BAZ1A: variants seen among roughly 807,000 people sequenced by gnomAD.
The protein encoded by BAZ1A is bromodomain adjacent to zinc finger domain protein 1A.
In BAZ1A, 50 loss-of-function variants were observed where a neutral mutation model predicts 185.2. The observed-to-expected ratio is 0.27, with a 90% CI of 0.22 to 0.34. The LOEUF is 0.34. Ranked by LOEUF, BAZ1A falls within the 10% of genes least tolerant of loss-of-function variation. The pLI is 1.00. For synonymous variants in BAZ1A, 571 were observed against 615.6 expected, an observed-to-expected ratio of 0.93 and a Z score of 1.07; for missense variants, 1,356 against 1,839.9, an observed-to-expected ratio of 0.74 and a Z score of 4.81.
chr14:34,800,086 T>C, intron 9 of BAZ1A, 138 bp downstream of exon 9: 2 of 904,904 alleles, frequency 2.2e-6, no homozygotes, highest in East Asian at 6.2e-5. Flanking sequence ...AAAAGGGAGA[T>C]AAACCAATCA....
In BAZ1A at chr14:34,802,911, G is replaced by A; in HGVS notation, c.804C>T (p.Ile268=). The change falls in exon 7 of 27, where the codon ATC becomes ATT. Residue 268 remains isoleucine, a synonymous_variant. Transcript: ENST00000360310. Reference sequence around the variant, plus strand: ...CTCTTCGTCTGTTAGCAGGACTGAAGATAAATGTGGGTGGATCATCAGGGA... The same window carrying A: ...CTCTTCGTCTGTTAGCAGGACTGAAAATAAATGTGGGTGGATCATCAGGGA... ...YFFPDDPPTF[I]FSPANRRRGR... is the part of the protein sequence containing the mutation. 1.9e-6 allele frequency: 3 copies of A among 1,613,222 alleles called. No individual in the cohort carries two copies. Among genetic ancestry groups the A allele is most frequent in the Non-Finnish European group, 2.5e-6 (3 of 1,179,174 alleles).
At chr14:34,814,466 G>A (rs1265011224) in intron 4 of BAZ1A, among the ~76,000 whole-genome samples, 1 of 151,736 alleles carries the variant, frequency 6.6e-6, no homozygotes, top group Non-Finnish European at 1.5e-5. Flanking sequence ...TAGAAAACTT[G>A]TATATGGACC....
rs1448239758 is a variant in BAZ1A at position 34,795,812 on chromosome 14, T to G, written c.1129-47A>C. 2.0e-5 allele frequency: 28 copies of G among 1,423,904 alleles called. No homozygotes were observed. In the Admixed American group the frequency reaches 4.9e-4, roughly 25 times the overall value. The allele number at this position is 1,423,904 out of a possible 1,614,324, so 88.2% of individuals were successfully genotyped here. A position where few individuals can be genotyped will look rare whatever the true frequency, so the allele number is the denominator to read the frequency against. On this transcript the variant is annotated intron_variant, in intron 9 of 26. Coordinates refer to ENST00000360310, the MANE Select transcript of BAZ1A (RefSeq NM_013448.3). ...TAACAATTCATGTAAGAAATTTATA[T>G]GGCAGCATCGGCATCTCCTGAGAAC...
rs78393711 is a variant in BAZ1A, at chr14:34,795,574, G to A, written c.1224+96C>T. ...ATTTCCTCTCGGTTAAATATAAAGA[G>A]AAGAGGCTGCTATTAAATAAGAATG... On this transcript the variant is annotated intron_variant, in intron 10 of 26. Transcript: ENST00000360310. 1.7e-3 allele frequency: 1,300 copies of A among 779,690 alleles called. 22 individuals are homozygous for A. The African/African-American group carries it at 0.022, about 13-fold the overall frequency. 48.3% of individuals were successfully genotyped at this position (779,690 alleles called of 1,614,324 possible). A position where few individuals can be genotyped will look rare whatever the true frequency, so the allele number is the denominator to read the frequency against.
Position 34,844,205 on chromosome 14 carries a change from C to CA in BAZ1A, c.392+17838dup, listed in dbSNP as rs71121227. On this transcript the variant is annotated intron_variant, in intron 3 of 26. Coordinates refer to ENST00000360310, the MANE Select transcript of BAZ1A (RefSeq NM_013448.3). ...TGGGCGACAGAGCGAGACTCCGTCT[C>CA]AAAAAAAAAAAAAAAAAAAAAAAAA... Among the ~76,000 whole-genome samples the CA allele has an allele frequency of 7.0e-3, 773 of 109,648 alleles. 62 individuals are homozygous for CA. Among genetic ancestry groups the CA allele is most frequent in the African/African-American group, 0.022 (575 of 26,734 alleles). 71.9% of individuals were successfully genotyped at this position (109,648 alleles called of 152,430 possible).
chr14:34,823,405 A>G (rs1192796471), intron 4 of BAZ1A, among the ~76,000 whole-genome samples: 2 of 151,836 alleles, frequency 1.3e-5, no homozygotes, highest in African/African-American at 4.8e-5. Context: ...CACACCTGTA[A>G]TCCCAGCACT....
intron 3 of BAZ1A, among the ~76,000 whole-genome samples, chr14:34,828,013 G>A (rs116024751): frequency 0.01 from 1,550 of 151,480 alleles, 30 homozygotes; most frequent in African/African-American, 0.033. Context: ...TTCCTTAATC[G>A]GCCGGGTGTG....
At chr14:34,867,046 T>C (rs1272818790) in intron 2 of BAZ1A, among the ~76,000 whole-genome samples, 1 of 150,420 alleles carries the variant, frequency 6.6e-6, no homozygotes, top group East Asian at 1.9e-4. Flanking sequence ...GATCGCGAGG[T>C]CAGGAGATCG....
chr14:34,785,745 A>T, intron 14 of BAZ1A, 32 bp downstream of exon 14: 1 of 1,590,030 alleles, frequency 6.3e-7, no homozygotes, highest in Non-Finnish European at 8.6e-7. Flanking sequence ...GGAAGTGGGC[A>T]GGTTATGCAA....
chr14:34,837,257 C>CT, intron 3 of BAZ1A, among the ~76,000 whole-genome samples: 1 of 150,486 alleles, frequency 6.6e-6, no homozygotes, highest in Non-Finnish European at 1.5e-5. Context: ...CTCTTTTTTT[C>CT]TTTTTTGAGG....
chr14:34,817,007 A>C (rs1407310922), intron 4 of BAZ1A, among the ~76,000 whole-genome samples: 3 of 152,204 alleles, frequency 2.0e-5, no homozygotes. Context: ...AACGGCAAAC[A>C]TTAAGAGTAA....
intron 3 of BAZ1A, among the ~76,000 whole-genome samples, chr14:34,844,781 A>ACG (rs1555344299): frequency 1.2e-4 from 1 of 8,552 alleles, no homozygotes; most frequent in African/African-American, 1.8e-4. Context: ...ACACGCGCAC[A>ACG]CACACACACA....
chr14:34,787,253 T>C (rs1880523667), intron 12 of BAZ1A, among the ~76,000 whole-genome samples: 1 of 146,442 alleles, frequency 6.8e-6, no homozygotes, highest in Non-Finnish European at 1.5e-5. Flanking sequence ...CTCGGGAGGC[T>C]GAGGCAGGAG....
intron 3 of BAZ1A, among the ~76,000 whole-genome samples, chr14:34,860,959 TA>T (rs1162278046): frequency 7.9e-5 from 12 of 152,300 alleles, no homozygotes; most frequent in African/African-American, 2.6e-4. Context: ...TATCTTAATA[TA>T]AACACATTTG....
At chr14:34,802,219 TTTTTG>T (rs574299184) in intron 7 of BAZ1A, among the ~76,000 whole-genome samples, 5 of 152,262 alleles carry the variant, frequency 3.3e-5, no homozygotes, top group South Asian at 4.2e-4. Context: ...TTTGTGTAGT[TTTTTG>T]TTTTGTTTTG....
intron 25 of BAZ1A, among the ~76,000 whole-genome samples, chr14:34,756,192 C>G (rs1304463725): frequency 6.7e-6 from 1 of 150,326 alleles, no homozygotes; most frequent in African/African-American, 2.5e-5. Context: ...CGGCTCACTG[C>G]AAGCTCTGCC....
At chr14:34,866,315 C>T (rs2042858487) in intron 2 of BAZ1A, among the ~76,000 whole-genome samples, 1 of 151,538 alleles carries the variant, frequency 6.6e-6, no homozygotes, top group African/African-American at 2.4e-5. Context: ...AAAACCCAGT[C>T]TCTACTAAAA....
chr14:34,838,076 A>T (rs2042356304), intron 3 of BAZ1A, among the ~76,000 whole-genome samples: 1 of 152,228 alleles, frequency 6.6e-6, no homozygotes, highest in Non-Finnish European at 1.5e-5. Flanking sequence ...AAAACAAATA[A>T]AAGCCTGAGT....
intron 24 of BAZ1A, among the ~76,000 whole-genome samples, chr14:34,759,167 TAC>T (rs1219640645): frequency 7.2e-6 from 1 of 138,324 alleles, no homozygotes; most frequent in Non-Finnish European, 1.5e-5. Context: ...ACTTTACAGC[TAC>T]AGTTTTTTTT....
Sources: gnomAD v4.1 joint callset for allele counts (sites outside exome capture counted in the v4.1 genomes callset) on GRCh38, gnomAD v4.1.1 for gene constraint, MANE v1.5 for transcripts, NCBI Gene and HGNC (gene_info 2026-07-23, HGNC 2026-07-21) for gene names.